RBFOX1: variants seen among roughly 807,000 people sequenced by gnomAD.
RBFOX1 encodes the protein RNA binding fox-1 homolog 1, also known as RNA binding protein fox-1 homolog 1.
In RBFOX1, 8 loss-of-function variants were observed where a neutral mutation model predicts 57.7. The ratio of observed to expected loss-of-function variants is 0.14; its 90% CI spans 0.08 to 0.25. The LOEUF (loss-of-function observed/expected upper bound fraction) is 0.25, where lower values mean the gene tolerates loss of function less well. RBFOX1 is among the 10% of genes least tolerant of loss of function. The pLI, the probability that RBFOX1 is intolerant of heterozygous loss-of-function variation, is 1.00. For synonymous variants in RBFOX1, 326 were observed against 222.4 expected (o/e 1.47, Z -4.15); for missense variants, 611 against 548.5 (o/e 1.11, Z -1.14).
chr16:6,714,651 G>A (rs1159955385), intron 3 of RBFOX1, among the ~76,000 whole-genome samples: 3 of 152,114 alleles, frequency 2.0e-5, no homozygotes, highest in African/African-American at 4.8e-5. Flanking sequence ...ATTACAGCCA[G>A]GTCCATGTGC....
At chr16:7,284,135 G>A (rs1193540593) in intron 4 of RBFOX1, among the ~76,000 whole-genome samples, 3 of 152,200 alleles carry the variant, frequency 2.0e-5, no homozygotes. Context: ...TTATTGCTGA[G>A]TAGCATTCTG....
intron 3 of RBFOX1, among the ~76,000 whole-genome samples, chr16:6,808,087 A>T (rs1037788270): frequency 6.6e-6 from 1 of 150,482 alleles, no homozygotes; most frequent in Non-Finnish European, 1.5e-5. Flanking sequence ...AATCATACTC[A>T]ATAGAACTAG....
chr16:5,632,306 C>A (rs1276126718), intron 3 of RBFOX1, among the ~76,000 whole-genome samples: 1 of 152,256 alleles, frequency 6.6e-6, no homozygotes, highest in Non-Finnish European at 1.5e-5. Flanking sequence ...TCCCAACCCA[C>A]ATCAATCTCT....
At chr16:7,243,625 A>G (rs987719157) in intron 4 of RBFOX1, among the ~76,000 whole-genome samples, 2 of 152,108 alleles carry the variant, frequency 1.3e-5, no homozygotes, top group Non-Finnish European at 2.9e-5. Context: ...ATAGCTCACT[A>G]TAGCCTCAAA....
intron 2 of RBFOX1, among the ~76,000 whole-genome samples, chr16:5,491,005 A>G (rs1212274144): frequency 6.6e-6 from 1 of 152,168 alleles, no homozygotes; most frequent in Non-Finnish European, 1.5e-5. Context: ...CAAATGCGCA[A>G]TTACTGAATC....
intron 11 of RBFOX1, among the ~76,000 whole-genome samples, chr16:7,649,015 G>T (rs1398993066): frequency 2.6e-5 from 4 of 152,158 alleles, no homozygotes; most frequent in Non-Finnish European, 5.9e-5. Flanking sequence ...CAGGAAAAGG[G>T]TTCCTATCCA....
intron 4 of RBFOX1, among the ~76,000 whole-genome samples, chr16:7,230,672 C>G (rs907687659): frequency 6.6e-6 from 1 of 152,176 alleles, no homozygotes; most frequent in Non-Finnish European, 1.5e-5. Flanking sequence ...AGTTGAGATA[C>G]TAAATATAGA....
intron 4 of RBFOX1, among the ~76,000 whole-genome samples, chr16:7,061,366 A>G (rs185395476): frequency 1.7e-3 from 252 of 152,308 alleles, no homozygotes; most frequent in African/African-American, 5.7e-3. Flanking sequence ...AAGGAAATCA[A>G]CTTCTTGATT....
At chr16:6,609,299 C>T (rs1253588322) in intron 2 of RBFOX1, among the ~76,000 whole-genome samples, 1 of 152,060 alleles carries the variant, frequency 6.6e-6, no homozygotes, top group Non-Finnish European at 1.5e-5. Flanking sequence ...GTAGTATGTT[C>T]TGTAGATGGA....
intron 14 of RBFOX1, among the ~76,000 whole-genome samples, chr16:7,698,441 G>C (rs909534254): frequency 6.6e-6 from 1 of 152,068 alleles, no homozygotes; most frequent in African/African-American, 2.4e-5. Context: ...TGTGGGGCAG[G>C]TTGCTACCCA....
At chr16:7,115,023 G>A (rs2065582600) in intron 4 of RBFOX1, among the ~76,000 whole-genome samples, 1 of 152,168 alleles carries the variant, frequency 6.6e-6, no homozygotes, top group Non-Finnish European at 1.5e-5. Flanking sequence ...GCTCCTTAAG[G>A]AATGCTTCTT....
intron 4 of RBFOX1, among the ~76,000 whole-genome samples, chr16:7,197,440 G>GAAAAAAAAAAAAAAAAAAAAAAAAAAAA (rs57893229): frequency 1.1e-5 from 1 of 91,320 alleles, no homozygotes; most frequent in Non-Finnish European, 2.1e-5. Flanking sequence ...CCTGTGAGTG[G>GAAAAAAAAAAAAAAAAAAAAAAAAAAAA]AAAAAAAAAA....
intron 3 of RBFOX1, among the ~76,000 whole-genome samples, chr16:6,866,941 A>C (rs540095270): frequency 4.0e-4 from 61 of 151,652 alleles, no homozygotes; most frequent in Admixed American, 3.5e-3. Context: ...CCTTAGCTTC[A>C]TGACAATATC....
At chr16:7,271,244 C>T (rs1291570074) in intron 4 of RBFOX1, among the ~76,000 whole-genome samples, 1 of 151,986 alleles carries the variant, frequency 6.6e-6, no homozygotes, top group Non-Finnish European at 1.5e-5. Context: ...CACGTGTTTC[C>T]TAATGTTTGA....
intron 3 of RBFOX1, among the ~76,000 whole-genome samples, chr16:6,879,726 C>G (rs1345354211): frequency 6.6e-6 from 1 of 152,146 alleles, no homozygotes; most frequent in Non-Finnish European, 1.5e-5. Flanking sequence ...GAAGTAAATT[C>G]TACCTCTGGA....
intron 3 of RBFOX1, among the ~76,000 whole-genome samples, chr16:6,895,691 T>C (rs528820659): frequency 2.6e-4 from 40 of 151,110 alleles, no homozygotes; most frequent in Non-Finnish European, 5.2e-4. Context: ...ATGGAAGAAA[T>C]AAAGGAAGAG....
intron 3 of RBFOX1, among the ~76,000 whole-genome samples, chr16:6,872,394 A>C (rs1889217853): frequency 6.6e-6 from 1 of 151,812 alleles, no homozygotes; most frequent in African/African-American, 2.4e-5. Flanking sequence ...CTATGACCAT[A>C]GCTCTTTTTT....
At chr16:6,520,536 T>TA (rs1466404919) in intron 2 of RBFOX1, among the ~76,000 whole-genome samples, 1 of 148,590 alleles carries the variant, frequency 6.7e-6, no homozygotes, top group East Asian at 1.9e-4. Flanking sequence ...TCAGTGGGAC[T>TA]ATTTGTTTAT....
intron 3 of RBFOX1, among the ~76,000 whole-genome samples, chr16:6,835,329 T>A (rs933197989): frequency 6.6e-6 from 1 of 152,168 alleles, no homozygotes; most frequent in African/African-American, 2.4e-5. Context: ...AGCCCTCATA[T>A]AGGCATAGAC....
Sources: allele counts gnomAD v4.1 joint callset (sites outside exome capture counted in the v4.1 genomes callset), GRCh38; gene constraint gnomAD v4.1.1; transcripts MANE v1.5; gene names NCBI Gene and HGNC (gene_info 2026-07-23, HGNC 2026-07-21).